CSMD1: variants seen among roughly 807,000 people sequenced by gnomAD.
The protein encoded by CSMD1 is CUB and sushi domain-containing protein 1.
In CSMD1, 213 loss-of-function variants were observed where a neutral mutation model predicts 417.5. That is an observed-to-expected ratio of 0.51 (90% CI 0.46 to 0.57). The LOEUF is 0.57. CSMD1 is among the 20% of genes least tolerant of loss of function. CSMD1 has a pLI of 0.00. For missense variants in CSMD1, 6,923 were observed against 4,529.7 expected, an observed-to-expected ratio of 1.53 and a Z score of -15.17; for synonymous variants, 2,862 against 1,736.8, an observed-to-expected ratio of 1.65 and a Z score of -16.11.
chr8:3,436,521 T>A (rs999407429), intron 12 of CSMD1, among the ~76,000 whole-genome samples: 1 of 152,308 alleles, frequency 6.6e-6, no homozygotes, highest in East Asian at 1.9e-4. Flanking sequence ...TTAAGTGTAA[T>A]GTTTAGTGGC....
chr8:4,479,544 G>A (rs1800976600), intron 2 of CSMD1, among the ~76,000 whole-genome samples: 1 of 152,018 alleles, frequency 6.6e-6, no homozygotes, highest in African/African-American at 2.4e-5. Context: ...TTGATCACTC[G>A]TTTCACTTCC....
chr8:3,158,334 T>A (rs1290260906), intron 38 of CSMD1, among the ~76,000 whole-genome samples: 1 of 152,114 alleles, frequency 6.6e-6, no homozygotes, highest in Non-Finnish European at 1.5e-5. Context: ...TGAAAACAAT[T>A]AGAAAGTACT....
At chr8:4,680,975 T>A (rs7830452) in intron 1 of CSMD1, among the ~76,000 whole-genome samples, 64,485 of 136,046 alleles carry the variant, frequency 0.47, 14,814 homozygotes, top group Admixed American at 0.58. Context: ...TGTGTGTGTG[T>A]GAGAGAGAGA....
chr8:4,985,039 G>T (rs1185153517), intron 1 of CSMD1, among the ~76,000 whole-genome samples: 1 of 152,136 alleles, frequency 6.6e-6, no homozygotes, highest in Admixed American at 6.5e-5. Context: ...CCATAAAAAA[G>T]AACAAGATCA....
At chr8:3,750,576 T>A (rs1173412778) in intron 6 of CSMD1, among the ~76,000 whole-genome samples, 1 of 152,170 alleles carries the variant, frequency 6.6e-6, no homozygotes, top group Non-Finnish European at 1.5e-5. Flanking sequence ...TTAGTTCAGA[T>A]AAAAGGTACA....
chr8:3,557,599 C>A (rs1024813333), intron 10 of CSMD1, among the ~76,000 whole-genome samples: 5 of 152,234 alleles, frequency 3.3e-5, no homozygotes, highest in Non-Finnish European at 7.3e-5. Flanking sequence ...CAGCCTCTCA[C>A]TGCTTGAGGC....
intron 1 of CSMD1, among the ~76,000 whole-genome samples, chr8:4,691,917 T>C (rs895974253): frequency 1.4e-4 from 22 of 152,350 alleles, no homozygotes; most frequent in African/African-American, 4.8e-4. Context: ...GGACATTTTC[T>C]CCTCACTCCC....
chr8:3,773,957 C>T (rs531453389), intron 5 of CSMD1, among the ~76,000 whole-genome samples: 90 of 152,262 alleles, frequency 5.9e-4, no homozygotes, highest in African/African-American at 2.0e-3. Context: ...TAACAGGAGC[C>T]TGTGCCTGGA....
chr8:4,552,696 C>T (rs1362050286), intron 2 of CSMD1, among the ~76,000 whole-genome samples: 1 of 152,082 alleles, frequency 6.6e-6, no homozygotes, highest in Admixed American at 6.5e-5. Flanking sequence ...GTCTATTACC[C>T]CATCACAAGA....
intron 1 of CSMD1, among the ~76,000 whole-genome samples, chr8:4,887,544 T>C (rs1803833292): frequency 6.6e-6 from 1 of 152,012 alleles, no homozygotes; most frequent in South Asian, 2.1e-4. Flanking sequence ...TAGTTTTTTA[T>C]TTGTTAACGA....
At chr8:3,829,106 A>C (rs1212863088) in intron 5 of CSMD1, among the ~76,000 whole-genome samples, 1 of 151,618 alleles carries the variant, frequency 6.6e-6, no homozygotes, top group Non-Finnish European at 1.5e-5. Flanking sequence ...GTGGAGTTTT[A>C]TGAGAACCTG....
chr8:4,181,631 TCC>T (rs1798382487), intron 3 of CSMD1, among the ~76,000 whole-genome samples: 3 of 152,198 alleles, frequency 2.0e-5, no homozygotes, highest in African/African-American at 7.2e-5. Context: ...ATATTTACAT[TCC>T]ATTGCCTGTA....
At chr8:3,761,797 T>C (rs1013808491) in intron 5 of CSMD1, among the ~76,000 whole-genome samples, 1 of 152,126 alleles carries the variant, frequency 6.6e-6, no homozygotes, top group Admixed American at 6.6e-5. Context: ...TGAGCAACAA[T>C]GCCCAGCCAA....
At chr8:3,968,257 T>A (rs1743951995) in intron 5 of CSMD1, among the ~76,000 whole-genome samples, 1 of 151,970 alleles carries the variant, frequency 6.6e-6, no homozygotes, top group Non-Finnish European at 1.5e-5. Context: ...ATGTACTTTG[T>A]TTTCCAGGTA....
chr8:3,782,423 C>A (rs1009120007), intron 5 of CSMD1, among the ~76,000 whole-genome samples: 1 of 152,122 alleles, frequency 6.6e-6, no homozygotes, highest in South Asian at 2.1e-4. Context: ...ATAGGCTGTT[C>A]AACAACCCTG....
intron 2 of CSMD1, among the ~76,000 whole-genome samples, chr8:4,515,184 C>A (rs1227604614): frequency 1.3e-5 from 2 of 152,178 alleles, no homozygotes; most frequent in South Asian, 2.1e-4. Context: ...CTTCTAACTT[C>A]TCTTCATTAA....
At chr8:4,272,562 G>C (rs1260983811) in intron 3 of CSMD1, among the ~76,000 whole-genome samples, 1 of 152,162 alleles carries the variant, frequency 6.6e-6, no homozygotes, top group Non-Finnish European at 1.5e-5. Context: ...TGTAATACCA[G>C]TTATTTACTT....
chr8:4,517,734 A>G (rs1357317121), intron 2 of CSMD1, among the ~76,000 whole-genome samples: 1 of 152,226 alleles, frequency 6.6e-6, no homozygotes, highest in African/African-American at 2.4e-5. Flanking sequence ...CGTTTATCAA[A>G]AAGTTCATCT....
At chr8:3,690,630 C>A (rs534798078) in intron 7 of CSMD1, among the ~76,000 whole-genome samples, 3 of 152,154 alleles carry the variant, frequency 2.0e-5, no homozygotes. Flanking sequence ...CTTCCACTCT[C>A]AAAATATTCT....
Sources: allele counts gnomAD v4.1 joint callset (sites outside exome capture counted in the v4.1 genomes callset), GRCh38; gene constraint gnomAD v4.1.1; transcripts MANE v1.5; gene names NCBI Gene and HGNC (gene_info 2026-07-23, HGNC 2026-07-21).